The following SEL1L2 variants were observed in gnomAD, a reference collection of about 807,000 sequenced individuals.
SEL1L2 encodes SEL1L2 adaptor subunit of SYVN1 ubiquitin ligase, also known as protein sel-1 homolog 2.
A neutral mutation model predicts 98.8 loss-of-function variants in SEL1L2; 89 were observed. The ratio of observed to expected loss-of-function variants is 0.90; its 90% CI spans 0.76 to 1.07. The LOEUF (loss-of-function observed/expected upper bound fraction) is 1.07, where lower values mean the gene tolerates loss of function less well. Ranked by LOEUF, SEL1L2 falls within the 50% of genes least tolerant of loss-of-function variation. The pLI, the probability that SEL1L2 is intolerant of heterozygous loss-of-function variation, is 0.00. For synonymous variants in SEL1L2, 262 were observed against 278.5 expected, an observed-to-expected ratio of 0.94 and a Z score of 0.59; for missense variants, 788 against 812.0, an observed-to-expected ratio of 0.97 and a Z score of 0.36.
At chr20:13,962,334 A>C (rs910901509) in intron 1 of SEL1L2, among the ~76,000 whole-genome samples, 11 of 152,150 alleles carry the variant, frequency 7.2e-5, no homozygotes, top group African/African-American at 2.7e-4. Flanking sequence ...GGCAGATGAC[A>C]CTTCAAATTC....
chr20:13,953,453 C>T (rs1467128698), intron 2 of SEL1L2, among the ~76,000 whole-genome samples: 2 of 152,138 alleles, frequency 1.3e-5, no homozygotes, highest in African/African-American at 4.8e-5. Flanking sequence ...CAGTTAAGAT[C>T]GGTCTTCGTC....
Position 13,931,106 on chromosome 20 carries a change from C to T in SEL1L2, c.283+497G>A, listed in dbSNP as rs191684959. On this transcript the variant is annotated intron_variant, in intron 3 of 19. Transcript: ENST00000284951. ...TCACCCAGGCTGGAGTACAGTGGCG[C>T]GATCTTGGCTCACTGCAAGCTCTGC... 1.5e-3 allele frequency among the ~76,000 whole-genome samples: 226 copies of T among 150,406 alleles called. 1 individual carries two copies. The Middle Eastern group carries it at 0.017, about 11-fold the overall frequency.
chr20:13,974,234 A>AT (rs1411228133), intron 1 of SEL1L2, among the ~76,000 whole-genome samples: 2 of 151,992 alleles, frequency 1.3e-5, no homozygotes, highest in African/African-American at 4.8e-5. Context: ...TTTTCCCTAG[A>AT]TTTTTTGTCT....
At chr20:13,987,443 T>G (rs1265999162) in intron 1 of SEL1L2, among the ~76,000 whole-genome samples, 1 of 151,804 alleles carries the variant, frequency 6.6e-6, no homozygotes, top group African/African-American at 2.4e-5. Context: ...CCTCCGGGGT[T>G]CAAGCGATTC....
At chr20:13,859,639 C>A (rs1312386589) in intron 17 of SEL1L2, among the ~76,000 whole-genome samples, 1 of 152,146 alleles carries the variant, frequency 6.6e-6, no homozygotes, top group Non-Finnish European at 1.5e-5. Flanking sequence ...TCAATGCTAA[C>A]TGTTTTCATT....
chr20:13,865,533 A>C lies in SEL1L2; in HGVS notation c.1405-19T>G. 1 of 1,604,666 alleles carries C rather than the reference A, an allele frequency of 6.2e-7. No individual in the cohort carries two copies. Among genetic ancestry groups the C allele is most frequent in the Non-Finnish European group, 8.5e-7 (1 of 1,175,642 alleles). On this transcript the variant is annotated intron_variant, in intron 15 of 19. Transcript: ENST00000284951. ...TATAAAGCTGTACATGAGAGGAGAAATCAAGGAGACTAGTTAGCCAGTATG... is the reference window on the plus strand; with the variant it reads ...TATAAAGCTGTACATGAGAGGAGAACTCAAGGAGACTAGTTAGCCAGTATG...
At chr20:13,858,733 A>G (rs1409581057) in intron 18 of SEL1L2, among the ~76,000 whole-genome samples, 2 of 152,188 alleles carry the variant, frequency 1.3e-5, no homozygotes, top group Non-Finnish European at 2.9e-5. Flanking sequence ...CATCGCCTCA[A>G]GTCAAGTGTA....
At chr20:13,908,103 C>CTTTT (rs71188195) in intron 5 of SEL1L2, among the ~76,000 whole-genome samples, 16 of 26,746 alleles carry the variant, frequency 6.0e-4, no homozygotes, top group African/African-American at 2.3e-3. Context: ...TTTCTTGGTT[C>CTTTT]TTTTTTTTTT....
At chr20:13,907,750 T>C (rs966835871) in intron 5 of SEL1L2, among the ~76,000 whole-genome samples, 2 of 135,522 alleles carry the variant, frequency 1.5e-5, no homozygotes, top group East Asian at 2.2e-4. Context: ...TTCTTTCTTT[T>C]CTTTTCTTTT....
intron 1 of SEL1L2, among the ~76,000 whole-genome samples, chr20:13,968,301 C>T (rs962409070): frequency 2.0e-5 from 3 of 152,176 alleles, no homozygotes; most frequent in Non-Finnish European, 4.4e-5. Flanking sequence ...GCCTAATTAC[C>T]TCCTGTAGAT....
chr20:13,946,622 G>C (rs2050022707), intron 2 of SEL1L2, among the ~76,000 whole-genome samples: 1 of 152,366 alleles, frequency 6.6e-6, no homozygotes. Flanking sequence ...GAACAGGAGG[G>C]AGCCATGACC....
intron 13 of SEL1L2, among the ~76,000 whole-genome samples, chr20:13,869,867 C>T (rs2046100992): frequency 6.6e-6 from 1 of 152,066 alleles, no homozygotes; most frequent in Non-Finnish European, 1.5e-5. Context: ...AGATAAATTT[C>T]TCCATCAATA....
At chr20:13,903,939 C>T (rs922302117) in intron 5 of SEL1L2, among the ~76,000 whole-genome samples, 2 of 152,152 alleles carry the variant, frequency 1.3e-5, no homozygotes, top group African/African-American at 2.4e-5. Context: ...CATTATCAAG[C>T]CCACATTTTT....
chr20:13,876,801 C>G (rs2046453286), intron 11 of SEL1L2, among the ~76,000 whole-genome samples: 1 of 152,048 alleles, frequency 6.6e-6, no homozygotes, highest in South Asian at 2.1e-4. Context: ...GAGGAGGAGC[C>G]CTGGGCCAGG....
intron 8 of SEL1L2, among the ~76,000 whole-genome samples, chr20:13,887,142 A>C (rs1380900128): frequency 2.0e-5 from 3 of 152,234 alleles, no homozygotes; most frequent in Admixed American, 6.5e-5. Context: ...ATAAAGATAG[A>C]TATGCTTGAA....
intron 2 of SEL1L2, among the ~76,000 whole-genome samples, chr20:13,954,952 G>C (rs2050455055): frequency 6.6e-6 from 1 of 152,210 alleles, no homozygotes; most frequent in African/African-American, 2.4e-5. Context: ...AGTGATAAGA[G>C]AGGAGCTATA....
intron 5 of SEL1L2, among the ~76,000 whole-genome samples, chr20:13,896,436 C>T (rs1229637405): frequency 6.6e-6 from 1 of 152,070 alleles, no homozygotes; most frequent in Admixed American, 6.6e-5. Context: ...CTCCATTGCA[C>T]TCCAGCCTGG....
At position 13,866,759 on chromosome 20, in the gene SEL1L2, C is replaced by T. The variant is rs746460351; in HGVS notation, c.1347G>A (p.Leu449=). The T allele has an allele frequency of 3.0e-5, 49 of 1,612,122 alleles. No individual in the cohort carries two copies. Among genetic ancestry groups the T allele is most frequent in the Non-Finnish European group, 4.1e-5 (48 of 1,179,266 alleles). The change falls in exon 15 of 20, where the codon CTG becomes CTA. Residue 449 remains leucine, a synonymous_variant. Coordinates refer to ENST00000284951, the MANE Select transcript of SEL1L2 (RefSeq NM_025229.2). Reference sequence around the variant, plus strand: ...CTGTTCCTGTTGCATACATCTTGGCCAGATAATAAATGGCAAGGGGCTGCC... The same window carrying T: ...CTGTTCCTGTTGCATACATCTTGGCTAGATAATAAATGGCAAGGGGCTGCC... The part of the protein sequence containing the change: ...QSGQPLAIYY[L]AKMYATGTGV...
rs138431139 is a variant in SEL1L2 at position 13,893,503 on chromosome 20, C to G, written c.550-4991G>C. 5.3e-5 allele frequency among the ~76,000 whole-genome samples: 8 copies of G among 152,222 alleles called. No homozygotes were observed. The East Asian group carries it at 1.5e-3, about 29-fold the overall frequency. On this transcript the variant is annotated intron_variant, in intron 5 of 19. Coordinates refer to ENST00000284951, the MANE Select transcript of SEL1L2 (RefSeq NM_025229.2). ...AATATATATGCATCTAAGAGCAAAG[C>G]ATCCAACCATATGAAGAAAATATTG...
Sources: allele counts gnomAD v4.1 joint callset (sites outside exome capture counted in the v4.1 genomes callset), GRCh38; gene constraint gnomAD v4.1.1; transcripts MANE v1.5; gene names NCBI Gene and HGNC (gene_info 2026-07-23, HGNC 2026-07-21).